OR52N4: variants seen among roughly 807,000 people sequenced by gnomAD.
The protein encoded by OR52N4 is olfactory receptor 52N4.
Under a neutral mutation model 15.0 loss-of-function variants are expected in OR52N4, and 15 were observed. That is an observed-to-expected ratio of 1.00 (90% confidence interval 0.67 to 1.54). The LOEUF (loss-of-function observed/expected upper bound fraction) is 1.54. Among genes scored for constraint, OR52N4 ranks in the 40% most tolerant of loss-of-function variants. The pLI is 0.00. For synonymous variants in OR52N4, 143 were observed against 143.7 expected (o/e 1.00, Z 0.03); for missense variants, 421 against 394.0 (o/e 1.07, Z -0.58).
the OR52N4 span, chr11:5,736,229 T>C: frequency 6.7e-5 from 24 of 359,988 alleles, no homozygotes; most frequent in South Asian, 7.8e-4. Flanking sequence ...AAAGGCTATG[T>C]AAGACGTTAA....
the OR52N4 span, chr11:5,736,234 CGTTAA>C: frequency 2.6e-6 from 1 of 381,904 alleles, no homozygotes; most frequent in Non-Finnish European, 4.8e-6. Flanking sequence ...CTATGTAAGA[CGTTAA>C]TGGACATCTA....
chr11:5,727,679 C>G, the OR52N4 span, among the ~76,000 whole-genome samples: 356 of 152,144 alleles, frequency 2.3e-3, no homozygotes, highest in African/African-American at 8.3e-3. Context: ...ACCTGGGTAA[C>G]GTGCAGATAT....
Position 5,754,986 on chromosome 11 carries a change from A to T in OR52N4, c.246A>T (p.Lys82Asn). 1 of 1,613,856 alleles carries T rather than the reference A, an allele frequency of 6.2e-7. No homozygotes were observed. ...DLVMCSSTIP[K>N]ALCIFWFHLK... ...TTATGTGCTCTAGTACAATCCCTAA[A>T]GCCCTCTGCATCTTCTGGTTTCATC... The change falls in exon 2 of 2, where the codon AAA becomes AAT. Residue 82 changes from lysine (K) to asparagine (N), a missense_variant. Physicochemically the swap from Lys to Asn is moderately conservative, Grantham distance 94 (BLOSUM62 0). Transcript: ENST00000641350.
chr11:5,745,066 T>C, the OR52N4 span, among the ~76,000 whole-genome samples: 1 of 151,966 alleles, frequency 6.6e-6, no homozygotes, highest in Non-Finnish European at 1.5e-5. Flanking sequence ...AAAAGCCATA[T>C]ACATCAAACC....
chr11:5,736,518 T>A, the OR52N4 span: 1 of 1,613,216 alleles, frequency 6.2e-7, no homozygotes, highest in Non-Finnish European at 8.5e-7. Flanking sequence ...TGTTGAATCA[T>A]GAATCATATG....
At chr11:5,736,313 G>C in the OR52N4 span, 2 of 562,270 alleles carry the variant, frequency 3.6e-6, no homozygotes, top group Admixed American at 6.2e-5. Flanking sequence ...AAAAAATCTA[G>C]TTATTATTAG....
the OR52N4 span, chr11:5,738,041 G>T: frequency 6.5e-6 from 1 of 153,994 alleles, no homozygotes; most frequent in Non-Finnish European, 1.4e-5. Flanking sequence ...AGCTTGGACA[G>T]ACAGAACCCA....
At position 5,755,700 on chromosome 11, in the gene OR52N4, C is replaced by T. The variant is rs751490451; in HGVS notation, c.960C>T (p.Ser320=). The change falls in exon 2 of 2, where the codon AGC becomes AGT. Residue 320 remains serine (S), a synonymous_variant. Coordinates refer to ENST00000641350, the MANE Select transcript of OR52N4 (RefSeq NM_001005175.5). ...GTTCTAAGGATACCAAATCCTACAG[C>T]ATGTGAATGAACACTTGCCAGGAGT... ...LSGSKDTKSY[S]M is the part of the protein sequence containing the mutation. 6.2e-7 allele frequency: 1 copy of T among 1,611,970 alleles called. No individual in the cohort carries two copies. The highest frequency in any genetic ancestry group is 8.5e-7 in the Non-Finnish European group (1 of 1,178,778).
the OR52N4 span, among the ~76,000 whole-genome samples, chr11:5,743,656 G>A: frequency 6.6e-6 from 1 of 152,024 alleles, no homozygotes; most frequent in Non-Finnish European, 1.5e-5. Context: ...ACAAAATCAA[G>A]GCAGAAATTT....
the OR52N4 span, chr11:5,738,609 C>T: frequency 8.6e-5 from 13 of 151,962 alleles, no homozygotes; most frequent in Non-Finnish European, 1.6e-4. Context: ...CTATCTCTAC[C>T]ATAGCTACTC....
the OR52N4 span, among the ~76,000 whole-genome samples, chr11:5,731,777 C>G: frequency 2.6e-5 from 4 of 152,132 alleles, no homozygotes; most frequent in African/African-American, 7.2e-5. Flanking sequence ...TTATCCAATT[C>G]TCTCTGACTT....
chr11:5,755,350 G>C lies in OR52N4; in HGVS notation c.610G>C (p.Val204Leu). The C allele has an allele frequency of 1.2e-6, 2 of 1,613,978 alleles. No individual in the cohort carries two copies. Among genetic ancestry groups the C allele is most frequent in the Non-Finnish European group, 1.7e-6 (2 of 1,179,968 alleles). The change falls in exon 2 of 2, where the codon GTT becomes CTT. Residue 204 changes from valine to leucine, a missense_variant. By Grantham distance (32) the Val-to-Leu change is conservative (BLOSUM62 1). Coordinates refer to ENST00000641350, the MANE Select transcript of OR52N4 (RefSeq NM_001005175.5). ...GGTCAATGCCATCTATGGTCTGATGGTTGCCCTCCTGATTTGGGGCTTTGA... is the reference window on the plus strand; with the variant it reads ...GGTCAATGCCATCTATGGTCTGATGCTTGCCCTCCTGATTTGGGGCTTTGA... ...VKVNAIYGLM[V>L]ALLIWGFDIL...
the OR52N4 span, chr11:5,737,156 C>T: frequency 0.05 from 80,541 of 1,613,874 alleles, 2,464 homozygotes; most frequent in Non-Finnish European, 0.057. Flanking sequence ...TCTGGCATGG[C>T]TTGGAATGGG....
the OR52N4 span, chr11:5,737,149 G>A: frequency 1.9e-6 from 3 of 1,613,948 alleles, no homozygotes; most frequent in South Asian, 2.2e-5. Context: ...AGTTGGTTCT[G>A]GCATGGCTTG....
chr11:5,732,556 A>G, the OR52N4 span, among the ~76,000 whole-genome samples: 2 of 152,136 alleles, frequency 1.3e-5, no homozygotes, highest in African/African-American at 2.4e-5. Context: ...TTAAAAATCA[A>G]TCTGTCTTTT....
At chr11:5,754,656 A>T in intron 1 of OR52N4, 37 bp from the exon 2 acceptor site, 2 of 1,397,478 alleles carry the variant, frequency 1.4e-6, no homozygotes, top group Non-Finnish European at 1.9e-6. Context: ...CAGTAAAAAT[A>T]ACCTATATTT....
rs369848863 is a variant in OR52N4, at chr11:5,755,326, G to C, written c.586G>C (p.Val196Leu). ...VAKLSCGNVK[V>L]NAIYGLMVAL... ...CAAATTGTCCTGTGGTAATGTCAAG[G>C]TCAATGCCATCTATGGTCTGATGGT... The change falls in exon 2 of 2, where the codon GTC becomes CTC. Residue 196 changes from valine (V) to leucine (L), a missense_variant. Val to Leu is a conservative substitution (Grantham distance 32). Coordinates refer to ENST00000641350, the MANE Select transcript of OR52N4 (RefSeq NM_001005175.5). The C allele has an allele frequency of 6.2e-7, 1 of 1,614,044 alleles. No individual in the cohort carries two copies. The highest frequency in any genetic ancestry group is 1.1e-5 in the South Asian group (1 of 91,078).
At chr11:5,744,637 GTGTGGTGGCTCA>G in the OR52N4 span, among the ~76,000 whole-genome samples, 1 of 152,198 alleles carries the variant, frequency 6.6e-6, no homozygotes, top group African/African-American at 2.4e-5. Flanking sequence ...AAAAGGCTGG[GTGTGGTGGCTCA>G]CGCCTGTAAT....
the OR52N4 span, among the ~76,000 whole-genome samples, chr11:5,743,887 A>T: frequency 6.6e-6 from 1 of 152,154 alleles, no homozygotes; most frequent in Non-Finnish European, 1.5e-5. Flanking sequence ...AATATCAGAG[A>T]AGAGATAAAT....
Sources: allele counts gnomAD v4.1 joint callset (sites outside exome capture counted in the v4.1 genomes callset), GRCh38; gene constraint gnomAD v4.1.1; transcripts MANE v1.5; gene names NCBI Gene and HGNC (gene_info 2026-07-23, HGNC 2026-07-21).